GRID2: variants seen among roughly 807,000 people sequenced by gnomAD.
GRID2 encodes glutamate ionotropic receptor delta type subunit 2, also known as glutamate receptor ionotropic, delta-2.
A neutral mutation model predicts 114.8 loss-of-function variants in GRID2; 33 were observed. The observed-to-expected ratio is 0.29, with a 90% confidence interval of 0.22 to 0.38. The LOEUF is 0.38. Ranked by LOEUF, GRID2 falls within the 10% of genes least tolerant of loss-of-function variation. The probability of loss-of-function intolerance (pLI) is 1.00; values close to 1 mark genes in which losing one functional copy is unlikely to be tolerated. For synonymous variants in GRID2, 505 were observed against 449.9 expected (o/e 1.12, Z -1.55); for missense variants, 1,184 against 1,257.7 (o/e 0.94, Z 0.89).
chr4:92,912,352 G>C (rs141021093), intron 2 of GRID2, among the ~76,000 whole-genome samples: 7 of 151,876 alleles, frequency 4.6e-5, no homozygotes, highest in Non-Finnish European at 1.0e-4. Context: ...AAGCAAGAGA[G>C]ACACTAAGGT....
intron 2 of GRID2, among the ~76,000 whole-genome samples, chr4:92,678,321 G>T (rs1184758159): frequency 2.6e-5 from 4 of 152,008 alleles, no homozygotes; most frequent in Non-Finnish European, 5.9e-5. Flanking sequence ...ATAAGGGCAG[G>T]ATTTTTTCTC....
In GRID2 at chr4:93,180,545, C is replaced by T. The variant is rs562544625; in HGVS notation, c.736-26859C>T. Among the ~76,000 whole-genome samples, 48 of 152,228 alleles carry T rather than the reference C, an allele frequency of 3.2e-4. 1 individual carries two copies. Among genetic ancestry groups the T allele is most frequent in the African/African-American group, 1.1e-3 (46 of 41,554 alleles). On this transcript the variant is annotated intron_variant, in intron 4 of 15. Coordinates refer to ENST00000282020, the MANE Select transcript of GRID2 (RefSeq NM_001510.4). ...ACCTCTTCCTTTCACAAAAGGTTTT[C>T]TGTAGCATGCCATGCTATTTGATAG...
intron 14 of GRID2, among the ~76,000 whole-genome samples, chr4:93,644,532 C>T (rs545266575): frequency 6.6e-6 from 1 of 152,144 alleles, no homozygotes; most frequent in South Asian, 2.1e-4. Context: ...TGTGTATTTT[C>T]CATTAATGAA....
At chr4:93,096,603 C>A (rs1252044708) in intron 3 of GRID2, among the ~76,000 whole-genome samples, 3 of 151,922 alleles carry the variant, frequency 2.0e-5, no homozygotes, top group South Asian at 2.1e-4. Flanking sequence ...AACTGTGCAA[C>A]TTTATTAGTC....
intron 1 of GRID2, among the ~76,000 whole-genome samples, chr4:92,394,901 G>A (rs1727536498): frequency 6.6e-6 from 1 of 151,380 alleles, no homozygotes; most frequent in Non-Finnish European, 1.5e-5. Flanking sequence ...TTATATTTGT[G>A]TAATATTATT....
chr4:93,324,941 GTC>G (rs1214020112), intron 8 of GRID2, among the ~76,000 whole-genome samples: 1 of 151,034 alleles, frequency 6.6e-6, no homozygotes, highest in Non-Finnish European at 1.5e-5. Context: ...TTCTTTATTA[GTC>G]TTGCTAGCGG....
chr4:93,453,062 C>T (rs1217139060), intron 10 of GRID2, among the ~76,000 whole-genome samples: 3 of 142,596 alleles, frequency 2.1e-5, no homozygotes, highest in Non-Finnish European at 1.5e-5. Flanking sequence ...CAACAGGCCC[C>T]GGTGTGTGAT....
In GRID2 at chr4:93,632,649, G is replaced by A. The variant is rs183879473; in HGVS notation, c.2360+6214G>A. On this transcript the variant is annotated intron_variant, in intron 14 of 15. Coordinates refer to ENST00000282020, the MANE Select transcript of GRID2 (RefSeq NM_001510.4). Reference sequence around the variant, plus strand: ...GTAGTATAGTTTGAAGTCAGGTAGCGTGATGCCTCCAGCTTTGTTCTTTTT... The same window carrying A: ...GTAGTATAGTTTGAAGTCAGGTAGCATGATGCCTCCAGCTTTGTTCTTTTT... Among the ~76,000 whole-genome samples the A allele has an allele frequency of 3.3e-3, 505 of 152,212 alleles. 2 individuals are homozygous for A. The highest frequency in any genetic ancestry group is 0.011 in the African/African-American group (455 of 41,526).
chr4:92,574,056 G>A (rs560346039), intron 1 of GRID2, among the ~76,000 whole-genome samples: 33 of 152,102 alleles, frequency 2.2e-4, no homozygotes, highest in African/African-American at 7.2e-4. Flanking sequence ...TTACCTTTAG[G>A]TAATCCCCTT....
At chr4:92,466,791 A>G (rs2149092311) in intron 1 of GRID2, among the ~76,000 whole-genome samples, 1 of 151,832 alleles carries the variant, frequency 6.6e-6, no homozygotes, top group South Asian at 2.1e-4. Context: ...AGGTAAATGA[A>G]TATATATCTA....
chr4:93,240,754 A>G (rs1043068641), intron 8 of GRID2, among the ~76,000 whole-genome samples: 9 of 150,812 alleles, frequency 6.0e-5, no homozygotes, highest in Non-Finnish European at 1.2e-4. Flanking sequence ...TTATCTATCT[A>G]GAAGTTTTTT....
chr4:93,331,645 T>C (rs1284909201), intron 8 of GRID2, among the ~76,000 whole-genome samples: 1 of 152,032 alleles, frequency 6.6e-6, no homozygotes, highest in East Asian at 1.9e-4. Context: ...TCAACAAACA[T>C]TTGTAGAATA....
intron 2 of GRID2, among the ~76,000 whole-genome samples, chr4:92,941,249 T>C (rs1336218632): frequency 1.3e-5 from 2 of 152,206 alleles, no homozygotes; most frequent in Non-Finnish European, 2.9e-5. Context: ...TTTCAGATCC[T>C]GTAACTGGTC....
chr4:92,693,480 A>C (rs1048698548), intron 2 of GRID2, among the ~76,000 whole-genome samples: 1 of 152,248 alleles, frequency 6.6e-6, no homozygotes, highest in African/African-American at 2.4e-5. Context: ...TGTTTGAACA[A>C]AAATATTTTC....
At chr4:93,221,877 G>T (rs995542362) in intron 6 of GRID2, among the ~76,000 whole-genome samples, 7 of 152,076 alleles carry the variant, frequency 4.6e-5, no homozygotes, top group Non-Finnish European at 1.0e-4. Context: ...CATGTAACAG[G>T]TACGAAGCAC....
rs1754498935 is a variant in GRID2 at position 92,986,144 on chromosome 4, A to G, written c.245-98851A>G. Among the ~76,000 whole-genome samples, 4 of 152,188 alleles carry G rather than the reference A, an allele frequency of 2.6e-5. No individual in the cohort carries two copies. In the South Asian group the frequency reaches 8.3e-4, roughly 32 times the overall value. On this transcript the variant is annotated intron_variant, in intron 2 of 15. Coordinates refer to ENST00000282020, the MANE Select transcript of GRID2 (RefSeq NM_001510.4). ...GCATTGATCAGTGTTGATGGACTATAGATTAAATGTCATACATAAGCCCCC... is the reference window on the plus strand; with the variant it reads ...GCATTGATCAGTGTTGATGGACTATGGATTAAATGTCATACATAAGCCCCC...
At chr4:93,644,335 C>G (rs1721906707) in intron 14 of GRID2, among the ~76,000 whole-genome samples, 1 of 47,960 alleles carries the variant, frequency 2.1e-5, no homozygotes, top group South Asian at 5.1e-4. Context: ...TTGGCTCCTC[C>G]CCACTAAAAC....
At chr4:92,899,764 G>T (rs555429520) in intron 2 of GRID2, among the ~76,000 whole-genome samples, 1 of 152,170 alleles carries the variant, frequency 6.6e-6, no homozygotes, top group South Asian at 2.1e-4. Flanking sequence ...ATGAAACAAA[G>T]GATATCTCTA....
chr4:93,566,767 C>G (rs767664953), intron 13 of GRID2, among the ~76,000 whole-genome samples: 54 of 150,314 alleles, frequency 3.6e-4, no homozygotes, highest in Non-Finnish European at 7.4e-4. Flanking sequence ...CAGACTGTCT[C>G]AAAAACAAAC....
Sources: gnomAD v4.1 joint callset for allele counts (sites outside exome capture counted in the v4.1 genomes callset) on GRCh38, gnomAD v4.1.1 for gene constraint, MANE v1.5 for transcripts, NCBI Gene and HGNC (gene_info 2026-07-23, HGNC 2026-07-21) for gene names.